Variants in SLC14A2 observed in about 807,000 individuals in gnomAD.
The protein encoded by SLC14A2 is solute carrier family 14 member 2.
SLC14A2 carries 91 observed loss-of-function variants against 104.6 expected under a neutral mutation model. The observed-to-expected ratio is 0.87, with a 90% CI of 0.73 to 1.04. The LOEUF (loss-of-function observed/expected upper bound fraction) is 1.04. Among genes scored for constraint, SLC14A2 ranks in the 50% least tolerant of loss-of-function variants. The pLI, the probability that SLC14A2 is intolerant of heterozygous loss-of-function variation, is 0.00. For synonymous variants in SLC14A2, 476 were observed against 466.4 expected (o/e 1.02, Z -0.27); for missense variants, 1,189 against 1,156.0 (o/e 1.03, Z -0.41).
At chr18:45,203,986 G>C in the SLC14A2 span, among the ~76,000 whole-genome samples, 1 of 152,150 alleles carries the variant, frequency 6.6e-6, no homozygotes, top group Non-Finnish European at 1.5e-5. Flanking sequence ...CTTGAAGAGT[G>C]AATATTAATA....
At chr18:45,450,013 T>TGCCTGTCTCACTATGGTCA (rs1206407813) in intron 1 of SLC14A2, among the ~76,000 whole-genome samples, 1 of 152,222 alleles carries the variant, frequency 6.6e-6, no homozygotes, top group African/African-American at 2.4e-5. Context: ...ATGAACCATC[T>TGCCTGTCTCACTATGGTCA]GCCTGTCTCA....
At chr18:45,184,914 A>G in the SLC14A2 span, among the ~76,000 whole-genome samples, 562 of 152,252 alleles carry the variant, frequency 3.7e-3, 2 homozygotes, top group Middle Eastern at 0.027. Flanking sequence ...AGTTCCTCTC[A>G]TGTTGGGAAA....
chr18:45,210,544 A>G (rs898980197), upstream of SLC14A2, among the ~76,000 whole-genome samples: 2 of 152,214 alleles, frequency 1.3e-5, no homozygotes, highest in Non-Finnish European at 2.9e-5. Context: ...GCTCCACTGC[A>G]CTCTAACCTA....
At chr18:45,522,662 T>G (rs2043532980) in intron 2 of SLC14A2, among the ~76,000 whole-genome samples, 1 of 152,232 alleles carries the variant, frequency 6.6e-6, no homozygotes, top group Non-Finnish European at 1.5e-5. Flanking sequence ...TCCATTCATG[T>G]TCATTCATTT....
chr18:45,178,841 TG>T, the SLC14A2 span, among the ~76,000 whole-genome samples: 1 of 152,214 alleles, frequency 6.6e-6, no homozygotes, highest in Non-Finnish European at 1.5e-5. Context: ...CTAGTACCTG[TG>T]TTCCTAGTTA....
chr18:45,313,093 T>A (rs1006491352), intron 1 of SLC14A2, among the ~76,000 whole-genome samples: 8 of 152,232 alleles, frequency 5.3e-5, no homozygotes. Context: ...AGTTTAATGA[T>A]GTCCTTGGTC....
At chr18:45,426,694 TACATACAC>T (rs1648877719) in intron 1 of SLC14A2, among the ~76,000 whole-genome samples, 1 of 90,314 alleles carries the variant, frequency 1.1e-5, no homozygotes, top group African/African-American at 3.5e-5. Context: ...CATATATACA[TACATACAC>T]ACACACACAC....
the SLC14A2 span, among the ~76,000 whole-genome samples, chr18:45,194,364 C>A: frequency 6.6e-6 from 1 of 152,070 alleles, no homozygotes; most frequent in African/African-American, 2.4e-5. Context: ...TTCAGAAAGT[C>A]CTCTTCTATT....
chr18:45,531,550 T>C (rs1384661999), intron 2 of SLC14A2, among the ~76,000 whole-genome samples: 1 of 152,252 alleles, frequency 6.6e-6, no homozygotes, highest in Non-Finnish European at 1.5e-5. Flanking sequence ...TGGGATTGTT[T>C]GTTTTTTTCT....
intron 16 of SLC14A2, among the ~76,000 whole-genome samples, chr18:45,669,741 C>A (rs1451448617): frequency 4.6e-5 from 7 of 152,192 alleles, no homozygotes; most frequent in African/African-American, 1.7e-4. Flanking sequence ...AAGAGACCTG[C>A]CTTAGGTCTT....
intron 1 of SLC14A2, among the ~76,000 whole-genome samples, chr18:45,240,947 C>T (rs1301851642): frequency 2.0e-5 from 3 of 152,134 alleles, no homozygotes; most frequent in East Asian, 1.9e-4. Flanking sequence ...CGTGAGCCAC[C>T]GCGCCCAGCT....
At chr18:45,370,170 T>C (rs2085707914) in intron 1 of SLC14A2, among the ~76,000 whole-genome samples, 1 of 152,136 alleles carries the variant, frequency 6.6e-6, no homozygotes, top group African/African-American at 2.4e-5. Context: ...AGAAACAGGA[T>C]TACTCCCCTT....
intron 1 of SLC14A2, among the ~76,000 whole-genome samples, chr18:45,329,064 T>C (rs1318223822): frequency 2.0e-5 from 3 of 152,122 alleles, no homozygotes; most frequent in African/African-American, 7.2e-5. Flanking sequence ...TAATGGAGCA[T>C]TCAAAGTGAA....
chr18:45,193,901 G>C, the SLC14A2 span, among the ~76,000 whole-genome samples: 4 of 151,918 alleles, frequency 2.6e-5, no homozygotes, highest in South Asian at 2.1e-4. Flanking sequence ...GTACCATTTT[G>C]TGTTTTTCAA....
intron 2 of SLC14A2, among the ~76,000 whole-genome samples, chr18:45,538,764 T>G (rs991183654): frequency 6.6e-6 from 1 of 151,588 alleles, no homozygotes; most frequent in Non-Finnish European, 1.5e-5. Context: ...CAGGGACCAC[T>G]GAGGGCAATC....
the SLC14A2 span, among the ~76,000 whole-genome samples, chr18:45,171,328 GA>G: frequency 1.8e-4 from 27 of 149,776 alleles, 1 homozygote; most frequent in East Asian, 2.0e-4. Context: ...AAAACCTTTA[GA>G]AAAAAAAATG....
chr18:45,443,903 C>T (rs73955809), intron 1 of SLC14A2, among the ~76,000 whole-genome samples: 4,788 of 152,052 alleles, frequency 0.031, 148 homozygotes, highest in South Asian at 0.076. Flanking sequence ...GAGAAAGAAG[C>T]CTATCCAGAG....
At chr18:45,357,004 C>A (rs1456170761) in intron 1 of SLC14A2, among the ~76,000 whole-genome samples, 1 of 152,138 alleles carries the variant, frequency 6.6e-6, no homozygotes, top group Non-Finnish European at 1.5e-5. Context: ...GCTTCACTGG[C>A]CTCATCTTCA....
intron 1 of SLC14A2, among the ~76,000 whole-genome samples, chr18:45,393,897 T>G (rs1005110862): frequency 6.6e-6 from 1 of 152,210 alleles, no homozygotes; most frequent in African/African-American, 2.4e-5. Flanking sequence ...TCATCCTTAT[T>G]TCACAGAAGA....
Sources: gnomAD v4.1 joint callset for allele counts (sites outside exome capture counted in the v4.1 genomes callset) on GRCh38, gnomAD v4.1.1 for gene constraint, MANE v1.5 for transcripts, NCBI Gene and HGNC (gene_info 2026-07-23, HGNC 2026-07-21) for gene names.